Variants in MYCN observed in about 807,000 individuals in gnomAD.
The protein encoded by MYCN is MYCN proto-oncogene, bHLH transcription factor, also known as N-myc proto-oncogene protein.
In MYCN, 3 loss-of-function variants were observed where a neutral mutation model predicts 28.1. The ratio of observed to expected loss-of-function variants is 0.11; its 90% CI spans 0.05 to 0.28. The LOEUF (loss-of-function observed/expected upper bound fraction) is 0.28. MYCN is among the 10% of genes least tolerant of loss of function. The pLI, the probability that MYCN is intolerant of heterozygous loss-of-function variation, is 1.00. For synonymous variants in MYCN, 326 were observed against 288.3 expected (o/e 1.13, Z -1.32); for missense variants, 572 against 651.4 (o/e 0.88, Z 1.33).
rs778058790 is a variant in MYCN, at chr2:15,945,755, G to A, written c.1053G>A (p.Lys351=). ...SEDAPPQKKI[K]SEASPRPLKS... Reference sequence around the variant, plus strand: ...ATGCACCCCCACAGAAGAAGATAAAGAGCGAGGCGTCCCCACGTCCGCTCA... The same window carrying A: ...ATGCACCCCCACAGAAGAAGATAAAAAGCGAGGCGTCCCCACGTCCGCTCA... Residue 351 remains lysine, a synonymous_variant, in exon 3 of 3, where the codon AAG becomes AAA. Coordinates refer to ENST00000281043, the MANE Select transcript of MYCN (RefSeq NM_005378.6). This position sits in a 1 kb window ranked among gnomAD's most constrained non-coding sequence, Gnocchi z 4.8. 6.2e-7 allele frequency: 1 copy of A among 1,614,124 alleles called. No individual in the cohort carries two copies. The highest frequency in any genetic ancestry group is 1.1e-5 in the South Asian group (1 of 91,084).
rs1572222093 is a variant in MYCN, at chr2:15,946,338, C to T, written c.*241C>T. On this transcript the variant is annotated 3_prime_UTR_variant, in exon 3 of 3. Transcript: ENST00000281043. ...ACCTCACCTCCATGACAGCGCTAAA[C>T]GTTGGTGACGGTTGGGAGCCTCTGG... The T allele has an allele frequency of 3.5e-6, 2 of 572,500 alleles. No individual in the cohort carries two copies. Among genetic ancestry groups the T allele is most frequent in the Admixed American group, 3.0e-5 (1 of 32,986 alleles). The allele number at this position is 572,500 out of a possible 1,614,324, so 35.5% of individuals were successfully genotyped here.
chr2:15,942,019 A>T lies in MYCN; in HGVS notation c.-46A>T. On this transcript the variant is annotated 5_prime_UTR_variant, in exon 2 of 3. Coordinates refer to ENST00000281043, the MANE Select transcript of MYCN (RefSeq NM_005378.6). The surrounding 1 kb of genome is among the most constrained non-coding windows in gnomAD (Gnocchi z 7.0). ...AGGAAGCACCCCCGGTATTAAAACG[A>T]ACGGGGCGGAAAGAAGCCCTCAGTC... The T allele has an allele frequency of 6.2e-7, 1 of 1,611,766 alleles. No individual in the cohort carries two copies. The highest frequency in any genetic ancestry group is 8.5e-7 in the Non-Finnish European group (1 of 1,179,474).
At chr2:15,940,975 G>A (rs564967633) in intron 1 of MYCN, 1 of 387,958 alleles carries the variant, frequency 2.6e-6, no homozygotes. Context: ...AGCCCTTACC[G>A]GGGGGAGTAA....
rs1558532886 is a variant in MYCN at position 15,941,416 on chromosome 2, T to A, written c.-117-532T>A. On this transcript the variant is annotated intron_variant, in intron 1 of 2. Transcript: ENST00000281043. The surrounding 1 kb of genome is among the most constrained non-coding windows in gnomAD (Gnocchi z 4.8). The stretch of plus-strand genomic sequence containing the variant: ...ATTTGTGGATATGGGTGTCTGTTGT[T>A]GGTCTCTGTCTAGAGAAAGGCTTTT... 6.5e-6 allele frequency: 1 copy of A among 153,144 alleles called. No homozygotes were observed. Among genetic ancestry groups the A allele is most frequent in the East Asian group, 1.9e-4 (1 of 5,214 alleles). 9.5% of individuals were successfully genotyped at this position (153,144 alleles called of 1,614,324 possible). A position where few individuals can be genotyped will look rare whatever the true frequency, so the allele number is the denominator to read the frequency against.
chr2:15,946,773 T>C lies in MYCN; in HGVS notation c.*676T>C, dbSNP rs910657756. 6 of 226,126 alleles carry C rather than the reference T, an allele frequency of 2.7e-5. No individual in the cohort carries two copies. The highest frequency in any genetic ancestry group is 4.4e-5 in the Non-Finnish European group (5 of 113,644). 14.0% of individuals were successfully genotyped at this position (226,126 alleles called of 1,614,324 possible). On this transcript the variant is annotated 3_prime_UTR_variant, in exon 3 of 3. Coordinates refer to ENST00000281043, the MANE Select transcript of MYCN (RefSeq NM_005378.6). ...GAGTTGTGAAAGTTTTGAGTAGATA[T>C]TACTTTATCACTTTTTGAACTAAGA...
In MYCN at chr2:15,942,002, C is replaced by A. The variant is rs1330665144; in HGVS notation, c.-63C>A. On this transcript the variant is annotated 5_prime_UTR_variant, in exon 2 of 3. Coordinates refer to ENST00000281043, the MANE Select transcript of MYCN (RefSeq NM_005378.6). The surrounding 1 kb of genome is among the most constrained non-coding windows in gnomAD (Gnocchi z 7.0). ...CCGCGCCCCCCACGGGAAGGAAGCACCCCCGGTATTAAAACGAACGGGGCG... is the reference window on the plus strand; with the variant it reads ...CCGCGCCCCCCACGGGAAGGAAGCAACCCCGGTATTAAAACGAACGGGGCG... 2.5e-6 allele frequency: 4 copies of A among 1,602,552 alleles called. No individual in the cohort carries two copies. The highest frequency in any genetic ancestry group is 1.3e-5 in the African/African-American group (1 of 74,650).
At chr2:15,940,934 GGCTAGAGGAGACCC>G (rs1262292985) in intron 1 of MYCN, 191 bp downstream of exon 1, 1 of 396,200 alleles carries the variant, frequency 2.5e-6, no homozygotes, top group African/African-American at 2.1e-5. Context: ...AAGGCATCCT[GGCTAGAGGAGACCC>G]GCCCTAATCC....
At position 15,945,141 on chromosome 2, in the gene MYCN, C is replaced by T. The variant is rs539678650; in HGVS notation, c.791-352C>T. 5.3e-5 allele frequency among the ~76,000 whole-genome samples: 8 copies of T among 151,694 alleles called. No individual in the cohort carries two copies. The highest frequency in any genetic ancestry group is 1.0e-4 in the Non-Finnish European group (7 of 67,934). On this transcript the variant is annotated intron_variant, in intron 2 of 2. Coordinates refer to ENST00000281043, the MANE Select transcript of MYCN (RefSeq NM_005378.6). This position sits in a 1 kb window ranked among gnomAD's most constrained non-coding sequence, Gnocchi z 4.8. ...CAGCCTCCCGAGTAGCTGGGATTAC[C>T]GGAGCATGCCACCACACCCAGCAAA...
chr2:15,945,397 C>A lies in MYCN; in HGVS notation c.791-96C>A. The A allele has an allele frequency of 2.8e-6, 4 of 1,435,452 alleles. No homozygotes were observed. Among genetic ancestry groups the A allele is most frequent in the Admixed American group, 2.0e-5 (1 of 50,738 alleles). The allele number at this position is 1,435,452 out of a possible 1,614,324, so 88.9% of individuals were successfully genotyped here. A position where few individuals can be genotyped will look rare whatever the true frequency, so the allele number is the denominator to read the frequency against. On this transcript the variant is annotated intron_variant, in intron 2 of 2. Coordinates refer to ENST00000281043, the MANE Select transcript of MYCN (RefSeq NM_005378.6). This position sits in a 1 kb window ranked among gnomAD's most constrained non-coding sequence, Gnocchi z 4.8. ...AAAATAGCAGTCTGCCAGGGTCTGC[C>A]GGAAGAGACAGATAAGCATACATAT...
chr2:15,946,016 C>T lies in MYCN; in HGVS notation c.1314C>T (p.His438=). Residue 438 remains histidine (H), a synonymous_variant, in exon 3 of 3, where the codon CAC becomes CAT. Transcript: ENST00000281043. Reference sequence around the variant, plus strand: ...TCCACTCCCTCCAGGCCGAGGAGCACCAGCTTTTGCTGGAAAAGGAAAAAT... The same window carrying T: ...TCCACTCCCTCCAGGCCGAGGAGCATCAGCTTTTGCTGGAAAAGGAAAAAT... ...EYVHSLQAEE[H]QLLLEKEKLQ... is the part of the protein sequence containing the mutation. 1 of 1,614,202 alleles carries T rather than the reference C, an allele frequency of 6.2e-7. No homozygotes were observed. Among genetic ancestry groups the T allele is most frequent in the Non-Finnish European group, 8.5e-7 (1 of 1,180,046 alleles).
rs1662686508 is a variant in MYCN, at chr2:15,941,865, ACCTGGTTAGAGGGGGCGC to A, written c.-117-80_-117-63del. On this transcript the variant is annotated intron_variant, in intron 1 of 2. Coordinates refer to ENST00000281043, the MANE Select transcript of MYCN (RefSeq NM_005378.6). This position sits in a 1 kb window ranked among gnomAD's most constrained non-coding sequence, Gnocchi z 4.8. ...GGGGGCTTGGAGGGAAGATTGGGGA[ACCTGGTTAGAGGGGGCGC>A]CCATTGCCTATCCCCTCGGTCTGCC... 1.6e-6 allele frequency: 1 copy of A among 621,486 alleles called. No homozygotes were observed. The highest frequency in any genetic ancestry group is 1.8e-5 in the African/African-American group (1 of 54,282). 38.5% of individuals were successfully genotyped at this position (621,486 alleles called of 1,614,324 possible).
intron 2 of MYCN, among the ~76,000 whole-genome samples, chr2:15,943,633 G>T (rs1204771629): frequency 1.3e-5 from 2 of 152,240 alleles, no homozygotes; most frequent in Admixed American, 6.5e-5. Context: ...CCTCTTTCCA[G>T]TGTGCAGTGG....
rs1257124191 is a variant in MYCN, at chr2:15,942,770, C to G, written c.706C>G (p.Pro236Ala). 1 of 1,457,406 alleles carries G rather than the reference C, an allele frequency of 6.9e-7. No homozygotes were observed. The highest frequency in any genetic ancestry group is 9.0e-7 in the Non-Finnish European group (1 of 1,105,868). The allele number at this position is 1,457,406 out of a possible 1,614,324, so 90.3% of individuals were successfully genotyped here. ...CCCAGCCGGGGCCCCGGGGGTCGCC[C>G]CTCCGCGCCCAGGCGGCCGCCAGAC... ...AAPAGAPGVA[P>A]PRPGGRQTSG... The change falls in exon 2 of 3, where the codon CCT becomes GCT. Residue 236 changes from proline to alanine, a missense_variant. Coordinates refer to ENST00000281043, the MANE Select transcript of MYCN (RefSeq NM_005378.6). This position sits in a 1 kb window ranked among gnomAD's most constrained non-coding sequence, Gnocchi z 7.0.
rs2103323062 is a variant in MYCN at position 15,942,064 on chromosome 2, G to A, written c.-1G>A. 1 of 1,613,590 alleles carries A rather than the reference G, an allele frequency of 6.2e-7. No homozygotes were observed. The highest frequency in any genetic ancestry group is 8.5e-7 in the Non-Finnish European group (1 of 1,179,970). ...TCAGTCGCCGGCCGGGAGGCGAGCC[G>A]ATGCCGAGCTGCTCCACGTCCACCA... is the stretch of plus-strand genomic sequence containing the variant. On this transcript the variant is annotated 5_prime_UTR_variant, in exon 2 of 3. Transcript: ENST00000281043. This position sits in a 1 kb window ranked among gnomAD's most constrained non-coding sequence, Gnocchi z 7.0.
In MYCN at chr2:15,942,351, C is replaced by T; in HGVS notation, c.287C>T (p.Ala96Val). 3 of 1,607,246 alleles carry T rather than the reference C, an allele frequency of 1.9e-6. No homozygotes were observed. Among genetic ancestry groups the T allele is most frequent in the Non-Finnish European group, 2.5e-6 (3 of 1,177,842 alleles). The change falls in exon 2 of 3, where the codon GCG becomes GTG. Residue 96 changes from alanine to valine, a missense_variant. Around this residue, in one of 3 missense-constraint regions of MYCN, gnomAD observed 499 missense variants for 524.3 expected, o/e 0.95. Transcript: ENST00000281043. This position sits in a 1 kb window ranked among gnomAD's most constrained non-coding sequence, Gnocchi z 7.0. ...TGGGGCAGCCCGGCCGAGGAGGACG[C>T]GTTCGGCCTGGGGGGACTGGGTGGC... ...ELWGSPAEED[A>V]FGLGGLGGLT...
In MYCN at chr2:15,942,772, T is replaced by G; in HGVS notation, c.708T>G (p.Pro236=). The G allele has an allele frequency of 2.1e-6, 3 of 1,457,502 alleles. No homozygotes were observed. Among genetic ancestry groups the G allele is most frequent in the Non-Finnish European group, 2.7e-6 (3 of 1,105,384 alleles). The allele number at this position is 1,457,502 out of a possible 1,614,324, so 90.3% of individuals were successfully genotyped here. ...CAGCCGGGGCCCCGGGGGTCGCCCC[T>G]CCGCGCCCAGGCGGCCGCCAGACCA... is the stretch of plus-strand genomic sequence containing the variant. The part of the protein sequence containing the change: ...AAPAGAPGVA[P]PRPGGRQTSG... The change falls in exon 2 of 3, where the codon CCT becomes CCG. Residue 236 remains proline (P), a synonymous_variant. Transcript: ENST00000281043. The surrounding 1 kb of genome is among the most constrained non-coding windows in gnomAD (Gnocchi z 7.0).
intron 2 of MYCN, among the ~76,000 whole-genome samples, chr2:15,944,168 G>C (rs1416129478): frequency 2.0e-5 from 3 of 152,244 alleles, no homozygotes; most frequent in Admixed American, 2.0e-4. Context: ...GGGACCCACA[G>C]ACTGGAACAG....
intron 2 of MYCN, among the ~76,000 whole-genome samples, chr2:15,944,176 C>T (rs6741575): frequency 2.6e-5 from 4 of 152,190 alleles, no homozygotes; most frequent in African/African-American, 9.7e-5. Context: ...CAGACTGGAA[C>T]AGCCTCACAT....
rs1479274129 is a variant in MYCN, at chr2:15,940,675, C to T, written c.-186C>T. Reference sequence around the variant, plus strand: ...CAGACTGTAGCCATCCGAGGACACCCCCGCCCCCCCGGCCCACCCGGAGAC... The same window carrying T: ...CAGACTGTAGCCATCCGAGGACACCTCCGCCCCCCCGGCCCACCCGGAGAC... On this transcript the variant is annotated 5_prime_UTR_variant, in exon 1 of 3. Transcript: ENST00000281043. 1.5e-5 allele frequency: 6 copies of T among 399,972 alleles called. No individual in the cohort carries two copies. In the East Asian group the frequency reaches 1.8e-4, roughly 12 times the overall value. 24.8% of individuals were successfully genotyped at this position (399,972 alleles called of 1,614,324 possible).
Sources: allele counts gnomAD v4.1 joint callset (sites outside exome capture counted in the v4.1 genomes callset), GRCh38; gene constraint gnomAD v4.1.1; regional missense constraint gnomAD v4.1.1; non-coding constraint Gnocchi (gnomAD v3.1); transcripts MANE v1.5; gene names NCBI Gene and HGNC (gene_info 2026-07-23, HGNC 2026-07-21).